Variants in LOXHD1 observed in about 807,000 individuals in gnomAD.
LOXHD1 encodes the protein lipoxygenase homology domain-containing protein 1.
LOXHD1 carries 205 observed loss-of-function variants against 248.2 expected under a neutral mutation model. The observed-to-expected ratio is 0.83, with a 90% CI of 0.74 to 0.93. LOXHD1 has a LOEUF of 0.93. Ranked by LOEUF, LOXHD1 falls within the 40% of genes least tolerant of loss-of-function variation. The pLI is 0.00. For missense variants in LOXHD1, 2,930 were observed against 2,971.6 expected (o/e 0.99, Z 0.33); for synonymous variants, 1,113 against 1,162.8 (o/e 0.96, Z 0.87).
chr18:46,518,847 G>A (rs2035414024), intron 33 of LOXHD1: 8 of 980,836 alleles, frequency 8.2e-6, no homozygotes, highest in African/African-American at 5.2e-5. Context: ...CTGCAGCTGC[G>A]AATGAGGGGT....
intron 14 of LOXHD1, among the ~76,000 whole-genome samples, chr18:46,574,056 G>A (rs1269845702): frequency 6.6e-6 from 1 of 152,100 alleles, no homozygotes; most frequent in Non-Finnish European, 1.5e-5. Context: ...AGGTTGAGAA[G>A]TAGGCCTGGG....
intron 17 of LOXHD1, among the ~76,000 whole-genome samples, chr18:46,564,275 C>T (rs1225473001): frequency 6.6e-6 from 1 of 152,126 alleles, no homozygotes; most frequent in Non-Finnish European, 1.5e-5. Context: ...AATTCCACTG[C>T]TTTGTAAATC....
At chr18:46,535,601 TG>T in intron 26 of LOXHD1, among the ~76,000 whole-genome samples, 1 of 149,008 alleles carries the variant, frequency 6.7e-6, no homozygotes, top group Non-Finnish European at 1.5e-5. Context: ...TTGTTGTTGT[TG>T]TTGTTGCCCA....
chr18:46,545,810 T>C (rs926129193), intron 22 of LOXHD1, among the ~76,000 whole-genome samples: 4 of 151,008 alleles, frequency 2.6e-5, no homozygotes, highest in African/African-American at 9.8e-5. Flanking sequence ...TTTGTATTTT[T>C]AGTAGAGACG....
At chr18:46,531,278 C>T (rs367813886) in intron 28 of LOXHD1, among the ~76,000 whole-genome samples, 38 of 152,292 alleles carry the variant, frequency 2.5e-4, no homozygotes, top group African/African-American at 7.7e-4. Flanking sequence ...GTCAGCATTT[C>T]ACACACTACA....
intron 24 of LOXHD1, 85 bp downstream of exon 24, chr18:46,542,642 T>A: frequency 2.0e-6 from 3 of 1,496,378 alleles, no homozygotes; most frequent in Non-Finnish European, 2.7e-6. Context: ...GCATTCAAAT[T>A]TCCAGAATCT....
At position 46,608,084 on chromosome 18, in the gene LOXHD1, G is replaced by GGAAGGAAGGAAGGAAGGAAGGAAA. The variant is rs1568214574; in HGVS notation, c.759+2691_759+2692insTTTCCTTCCTTCCTTCCTTCCTTC. ...AGGAAGGAAGGAAAGAAGGAAGGGA[G>GGAAGGAAGGAAGGAAGGAAGGAAA]GAAGGAAGGGCGGGCAGGCAAAGAC... is the stretch of plus-strand genomic sequence containing the variant. On this transcript the variant is annotated intron_variant, in intron 6 of 40. Coordinates refer to ENST00000642948, the MANE Select transcript of LOXHD1 (RefSeq NM_001384474.1). 1.2e-3 allele frequency among the ~76,000 whole-genome samples: 183 copies of GGAAGGAAGGAAGGAAGGAAGGAAA among 146,462 alleles called. 1 individual carries two copies. Among genetic ancestry groups the GGAAGGAAGGAAGGAAGGAAGGAAA allele is most frequent in the African/African-American group, 4.2e-3 (160 of 38,498 alleles).
At chr18:46,592,773 G>A (rs2038195491) in intron 10 of LOXHD1, among the ~76,000 whole-genome samples, 189 bp from the exon 11 acceptor site, 1 of 152,136 alleles carries the variant, frequency 6.6e-6, no homozygotes, top group Non-Finnish European at 1.5e-5. Context: ...AGCACGTGAG[G>A]GCAAGACAGC....
At chr18:46,579,241 G>C (rs1392907818) in intron 13 of LOXHD1, among the ~76,000 whole-genome samples, 1 of 152,174 alleles carries the variant, frequency 6.6e-6, no homozygotes, top group Non-Finnish European at 1.5e-5. Flanking sequence ...GCCCACCCCT[G>C]AGGTAAGAAA....
In LOXHD1 at chr18:46,577,873, G is replaced by C. The variant is rs199804946; in HGVS notation, c.1810-6C>G. 1.5e-4 allele frequency: 233 copies of C among 1,551,388 alleles called. 3 individuals carry two copies. The East Asian group carries it at 3.4e-3, about 22-fold the overall frequency. ...TCGATAGTGAACTCGTCAGCCTTGT[G>C]GGGGGAAACCACAAGGCCAGTTAGA... On this transcript the variant is annotated splice_region_variant and splice_polypyrimidine_tract_variant and intron_variant, in intron 13 of 40. Coordinates refer to ENST00000642948, the MANE Select transcript of LOXHD1 (RefSeq NM_001384474.1).
chr18:46,509,925 C>T lies in LOXHD1; in HGVS notation c.5400-110G>A, dbSNP rs2034855195. On this transcript the variant is annotated intron_variant, in intron 34 of 40. Transcript: ENST00000642948. ...GGTGAGGGAGAAGATTAGGCCTTTACTCAGCAGCCCCTCTGCTCTCAGCAA... is the reference window on the plus strand; with the variant it reads ...GGTGAGGGAGAAGATTAGGCCTTTATTCAGCAGCCCCTCTGCTCTCAGCAA... 3 of 754,058 alleles carry T rather than the reference C, an allele frequency of 4.0e-6. No homozygotes were observed. In the South Asian group the frequency reaches 4.6e-5, roughly 12 times the overall value. 46.7% of individuals were successfully genotyped at this position (754,058 alleles called of 1,614,324 possible).
At chr18:46,535,293 A>T (rs1329142779) in intron 26 of LOXHD1, among the ~76,000 whole-genome samples, 4 of 152,168 alleles carry the variant, frequency 2.6e-5, no homozygotes, top group African/African-American at 9.7e-5. Flanking sequence ...CAAGGACAAA[A>T]GAGTGTTTCC....
At chr18:46,535,296 G>C (rs2036258445) in intron 26 of LOXHD1, among the ~76,000 whole-genome samples, 1 of 152,128 alleles carries the variant, frequency 6.6e-6, no homozygotes, top group African/African-American at 2.4e-5. Context: ...GGACAAAAGA[G>C]TGTTTCCTTA....
At position 46,579,693 on chromosome 18, in the gene LOXHD1, C is replaced by G; in HGVS notation, c.1746G>C (p.Gly582=). The change falls in exon 13 of 41, where the codon GGG becomes GGC. Residue 582 remains glycine, a synonymous_variant. Coordinates refer to ENST00000642948, the MANE Select transcript of LOXHD1 (RefSeq NM_001384474.1). Reference sequence around the variant, plus strand: ...TGTAGAGCAGCCGTTCCCCCGTGTCCCCCACATCACCAAAAAGGCAGAGAT... The same window carrying G: ...TGTAGAGCAGCCGTTCCCCCGTGTCGCCCACATCACCAAAAAGGCAGAGAT... ...NVYLCLFGDV[G]DTGERLLYNC... The G allele has an allele frequency of 6.4e-7, 1 of 1,551,772 alleles. No individual in the cohort carries two copies. Among genetic ancestry groups the G allele is most frequent in the South Asian group, 1.2e-5 (1 of 84,062 alleles).
chr18:46,566,329 G>A lies in LOXHD1; in HGVS notation c.2365C>T (p.Leu789=). 6.4e-7 allele frequency: 1 copy of A among 1,551,886 alleles called. No homozygotes were observed. Among genetic ancestry groups the A allele is most frequent in the Non-Finnish European group, 8.7e-7 (1 of 1,147,034 alleles). The change falls in exon 17 of 41, where the codon CTG becomes TTG. Residue 789 remains leucine (L), a synonymous_variant. Transcript: ENST00000642948. ...KQYTFPANRW[L]DKNQADGRLE... is the part of the protein sequence containing the mutation. Reference sequence around the variant, plus strand: ...CGCCCGTCAGCCTGGTTCTTGTCCAGCCAGCGGTTGGCGGGAAAGGTGTAC... The same window carrying A: ...CGCCCGTCAGCCTGGTTCTTGTCCAACCAGCGGTTGGCGGGAAAGGTGTAC...
intron 34 of LOXHD1, among the ~76,000 whole-genome samples, chr18:46,511,459 G>C (rs1437937122): frequency 6.6e-6 from 1 of 152,156 alleles, no homozygotes; most frequent in African/African-American, 2.4e-5. Context: ...TCTAGGAAGG[G>C]CCCCCTTTGG....
At chr18:46,651,910 T>A (rs1046499533) in intron 1 of LOXHD1, among the ~76,000 whole-genome samples, 1 of 152,202 alleles carries the variant, frequency 6.6e-6, no homozygotes, top group Non-Finnish European at 1.5e-5. Context: ...GAAATGAAAG[T>A]GTGTTCCCAC....
chr18:46,486,492 A>C (rs930314309), intron 38 of LOXHD1, among the ~76,000 whole-genome samples: 1 of 152,214 alleles, frequency 6.6e-6, no homozygotes, highest in Non-Finnish European at 1.5e-5. Flanking sequence ...ATCCACAGAA[A>C]GTGCATCCTT....
chr18:46,531,161 A>T (rs191173539), intron 28 of LOXHD1, among the ~76,000 whole-genome samples: 65 of 152,180 alleles, frequency 4.3e-4, no homozygotes, highest in Admixed American at 1.2e-3. Flanking sequence ...GCATTGTGAG[A>T]GTTGACCTGC....
Sources: gnomAD v4.1 joint callset for allele counts (sites outside exome capture counted in the v4.1 genomes callset) on GRCh38, gnomAD v4.1.1 for gene constraint, MANE v1.5 for transcripts, NCBI Gene and HGNC (gene_info 2026-07-23, HGNC 2026-07-21) for gene names.